The following SNTB1 variants were observed in gnomAD, a reference collection of about 807,000 sequenced individuals.
The protein encoded by SNTB1 is beta-1-syntrophin.
In SNTB1, 36 loss-of-function variants were observed where a neutral mutation model predicts 48.9. The ratio of observed to expected loss-of-function variants is 0.74; its 90% CI spans 0.56 to 0.97. The LOEUF is 0.97. Among genes scored for constraint, SNTB1 ranks in the 50% least tolerant of loss-of-function variants. The probability of loss-of-function intolerance (pLI) is 0.00; values close to 1 mark genes in which losing one functional copy is unlikely to be tolerated. For missense variants in SNTB1, 786 were observed against 703.4 expected (o/e 1.12, Z -1.33); for synonymous variants, 299 against 294.6 (o/e 1.01, Z -0.15).
intron 2 of SNTB1, among the ~76,000 whole-genome samples, chr8:120,683,398 A>G (rs1477359708): frequency 1.3e-5 from 2 of 152,166 alleles, no homozygotes; most frequent in Non-Finnish European, 2.9e-5. Context: ...ATAAAGTATA[A>G]TAAGAAAAAT....
In SNTB1 at chr8:120,811,363, G is replaced by T; in HGVS notation, c.481C>A (p.Leu161Met). Residue 161 changes from leucine to methionine, a missense_variant, in exon 1 of 7, where the codon CTG (leucine) becomes ATG (methionine). Physicochemically the swap from Leu to Met is conservative, Grantham distance 15. Coordinates refer to ENST00000517992, the MANE Select transcript of SNTB1 (RefSeq NM_021021.4). ...CGCAGGTCGGCTCCGTTCACGGACA[G>T]GATGGCGTCGCCCACGTACAGGGCT... The part of the protein sequence containing the change: ...TQALYVGDAI[L>M]SVNGADLRDA... The T allele has an allele frequency of 6.2e-7, 1 of 1,613,724 alleles. No homozygotes were observed. Among genetic ancestry groups the T allele is most frequent in the East Asian group, 2.2e-5 (1 of 44,878 alleles).
intron 3 of SNTB1, among the ~76,000 whole-genome samples, chr8:120,584,272 T>A (rs936393843): frequency 6.6e-6 from 1 of 151,928 alleles, no homozygotes; most frequent in South Asian, 2.1e-4. Context: ...TGAAACCCTG[T>A]CTCTACTAAA....
intron 1 of SNTB1, among the ~76,000 whole-genome samples, chr8:120,720,476 G>A (rs1305039759): frequency 6.6e-6 from 1 of 152,156 alleles, no homozygotes; most frequent in Non-Finnish European, 1.5e-5. Flanking sequence ...TGCCGCAAAT[G>A]AATCCAACTC....
chr8:120,587,858 C>G (rs1230321162), intron 3 of SNTB1, among the ~76,000 whole-genome samples: 1 of 152,118 alleles, frequency 6.6e-6, no homozygotes, highest in Non-Finnish European at 1.5e-5. Flanking sequence ...GTGGGGGAAG[C>G]TATTTTACTT....
At position 120,548,026 on chromosome 8, in the gene SNTB1, G is replaced by A. The variant is rs138627192; in HGVS notation, c.1333+736C>T. ...TGGTGGAAGGTGTTTGGGTCTTGGG[G>A]GCGGATCCTTCATGAATAGCTTGGT... On this transcript the variant is annotated intron_variant, in intron 5 of 6. Coordinates refer to ENST00000517992, the MANE Select transcript of SNTB1 (RefSeq NM_021021.4). Among the ~76,000 whole-genome samples the A allele has an allele frequency of 6.2e-3, 945 of 152,250 alleles. 11 individuals are homozygous for A. Among genetic ancestry groups the A allele is most frequent in the African/African-American group, 0.022 (904 of 41,534 alleles).
intron 1 of SNTB1, among the ~76,000 whole-genome samples, chr8:120,706,471 A>G (rs970003058): frequency 9.9e-5 from 15 of 152,180 alleles, no homozygotes; most frequent in Non-Finnish European, 2.2e-4. Flanking sequence ...AAGTTTATTC[A>G]TCAGATATTA....
intron 3 of SNTB1, among the ~76,000 whole-genome samples, chr8:120,619,862 T>C (rs1816766464): frequency 6.6e-6 from 1 of 152,106 alleles, no homozygotes; most frequent in African/African-American, 2.4e-5. Context: ...CATGAAGGCA[T>C]GAAAGACACA....
chr8:120,560,714 T>A (rs1050848317), intron 4 of SNTB1, among the ~76,000 whole-genome samples: 1 of 152,164 alleles, frequency 6.6e-6, no homozygotes, highest in Non-Finnish European at 1.5e-5. Context: ...TCCATACCTT[T>A]CTTTGTGCCC....
At chr8:120,783,942 G>A (rs1352187144) in intron 1 of SNTB1, among the ~76,000 whole-genome samples, 1 of 152,136 alleles carries the variant, frequency 6.6e-6, no homozygotes, top group African/African-American at 2.4e-5. Context: ...ATGATTGAAA[G>A]TATATGGGAA....
At chr8:120,734,383 G>C (rs535270792) in intron 1 of SNTB1, among the ~76,000 whole-genome samples, 26 of 150,190 alleles carry the variant, frequency 1.7e-4, no homozygotes, top group Middle Eastern at 3.5e-3. Context: ...GGAGTCAGAG[G>C]TTGCAGTGAG....
chr8:120,805,562 A>C (rs1287826845), intron 1 of SNTB1, among the ~76,000 whole-genome samples: 1 of 152,110 alleles, frequency 6.6e-6, no homozygotes, highest in Non-Finnish European at 1.5e-5. Context: ...AAAAATTAAA[A>C]AAAAAAGGTT....
intron 1 of SNTB1, chr8:120,765,984 C>T (rs868254519): frequency 6.6e-6 from 1 of 152,138 alleles, no homozygotes; most frequent in African/African-American, 2.4e-5. Context: ...AAAGCCACTA[C>T]AGTTAGATTT....
chr8:120,685,598 C>T (rs905622777), intron 2 of SNTB1, among the ~76,000 whole-genome samples: 2 of 152,194 alleles, frequency 1.3e-5, no homozygotes, highest in Non-Finnish European at 2.9e-5. Flanking sequence ...CCTTCAGGGT[C>T]ATTCTTCCAT....
Position 120,669,744 on chromosome 8 carries a change from G to A in SNTB1, c.788+23948C>T, listed in dbSNP as rs183778174. 2.8e-4 allele frequency among the ~76,000 whole-genome samples: 10 copies of A among 35,880 alleles called. 2 individuals are homozygous for A. The highest frequency in any genetic ancestry group is 2.5e-3 in the Admixed American group (10 of 4,028). 23.5% of individuals were successfully genotyped at this position (35,880 alleles called of 152,430 possible). ...TGGGATTACAGGCGTGAGCCACCGCGCCCGGCCGAAAATGCTTGTTAAACT... is the reference window on the plus strand; with the variant it reads ...TGGGATTACAGGCGTGAGCCACCGCACCCGGCCGAAAATGCTTGTTAAACT... On this transcript the variant is annotated intron_variant, in intron 2 of 6. Coordinates refer to ENST00000517992, the MANE Select transcript of SNTB1 (RefSeq NM_021021.4).
At chr8:120,615,378 G>A (rs1426168620) in intron 3 of SNTB1, among the ~76,000 whole-genome samples, 1 of 152,116 alleles carries the variant, frequency 6.6e-6, no homozygotes, top group African/African-American at 2.4e-5. Flanking sequence ...AGGGCTCACC[G>A]AATGCAAAGG....
At chr8:120,774,334 C>T (rs1373336405) in intron 1 of SNTB1, among the ~76,000 whole-genome samples, 2 of 152,236 alleles carry the variant, frequency 1.3e-5, no homozygotes, top group African/African-American at 4.8e-5. Flanking sequence ...GGCTACCTCA[C>T]TGAGCTGCAG....
intron 3 of SNTB1, among the ~76,000 whole-genome samples, chr8:120,590,375 C>G (rs1816219774): frequency 6.6e-6 from 1 of 152,256 alleles, no homozygotes; most frequent in Non-Finnish European, 1.5e-5. Flanking sequence ...CTGCCAGTAC[C>G]TAGTATCAGC....
At chr8:120,568,661 C>T (rs4556123) in intron 4 of SNTB1, among the ~76,000 whole-genome samples, 29,634 of 152,052 alleles carry the variant, frequency 0.19, 3,002 homozygotes, top group Middle Eastern at 0.3. Flanking sequence ...TCCAGGCTGC[C>T]GCCCAGGAGC....
intron 1 of SNTB1, among the ~76,000 whole-genome samples, chr8:120,773,054 G>A (rs1325717186): frequency 2.6e-5 from 4 of 151,708 alleles, no homozygotes; most frequent in Non-Finnish European, 4.4e-5. Context: ...ATAAACAAAT[G>A]AAATAATTTA....
Sources: gnomAD v4.1 joint callset for allele counts (sites outside exome capture counted in the v4.1 genomes callset) on GRCh38, gnomAD v4.1.1 for gene constraint, MANE v1.5 for transcripts, NCBI Gene and HGNC (gene_info 2026-07-23, HGNC 2026-07-21) for gene names.